KIAA1958: variants seen among roughly 807,000 people sequenced by gnomAD.
The protein encoded by KIAA1958 is KIAA1958, also known as uncharacterized protein KIAA1958.
KIAA1958 carries 14 observed loss-of-function variants against 47.2 expected under a neutral mutation model. That is an observed-to-expected ratio of 0.30 (90% CI 0.20 to 0.46). KIAA1958 has a LOEUF of 0.46. KIAA1958 is among the 20% of genes least tolerant of loss of function. The pLI is 1.00. For synonymous variants in KIAA1958, 354 were observed against 353.3 expected, an observed-to-expected ratio of 1.00 and a Z score of -0.02; for missense variants, 803 against 909.2, an observed-to-expected ratio of 0.88 and a Z score of 1.50.
intron 1 of KIAA1958, among the ~76,000 whole-genome samples, chr9:112,510,228 A>C (rs886744636): frequency 6.6e-6 from 1 of 152,174 alleles, no homozygotes; most frequent in Non-Finnish European, 1.5e-5. Context: ...GTGTGCAAAA[A>C]GGCCTGGATG....
chr9:112,637,882 C>T (rs958823218), intron 2 of KIAA1958, among the ~76,000 whole-genome samples: 3 of 152,034 alleles, frequency 2.0e-5, no homozygotes, highest in Non-Finnish European at 4.4e-5. Flanking sequence ...GGCGCGGTGG[C>T]TCACACCTGT....
chr9:112,624,005 T>C (rs965072994), intron 2 of KIAA1958, among the ~76,000 whole-genome samples: 1 of 152,188 alleles, frequency 6.6e-6, no homozygotes, highest in Non-Finnish European at 1.5e-5. Flanking sequence ...TTGATCCTTA[T>C]TTCTCTAGCC....
chr9:112,495,683 A>T (rs1834041407), intron 1 of KIAA1958, among the ~76,000 whole-genome samples: 1 of 152,202 alleles, frequency 6.6e-6, no homozygotes. Flanking sequence ...CTACTGTAAG[A>T]TCCATACTCA....
intron 2 of KIAA1958, among the ~76,000 whole-genome samples, chr9:112,644,698 C>A (rs1335245633): frequency 1.3e-5 from 2 of 152,118 alleles, no homozygotes; most frequent in East Asian, 3.8e-4. Context: ...GAGATGTGAG[C>A]CCCTCTGAAA....
intron 1 of KIAA1958, among the ~76,000 whole-genome samples, chr9:112,562,166 A>G (rs1482159194): frequency 2.0e-5 from 3 of 152,226 alleles, no homozygotes; most frequent in Non-Finnish European, 4.4e-5. Context: ...CTGTAGTTAC[A>G]TGGTAGACCA....
intron 1 of KIAA1958, among the ~76,000 whole-genome samples, chr9:112,514,849 A>G (rs1374486426): frequency 3.4e-5 from 1 of 29,620 alleles, no homozygotes; most frequent in Non-Finnish European, 7.3e-5. Context: ...TCCGGGAGGG[A>G]GGTGGGGGGG....
chr9:112,642,919 T>C (rs1471982103), intron 2 of KIAA1958, among the ~76,000 whole-genome samples: 1 of 152,232 alleles, frequency 6.6e-6, no homozygotes, highest in East Asian at 1.9e-4. Context: ...AAGTATTCTT[T>C]ATTTGTTTCA....
At chr9:112,529,851 T>A (rs1260213537) in intron 1 of KIAA1958, among the ~76,000 whole-genome samples, 1 of 152,060 alleles carries the variant, frequency 6.6e-6, no homozygotes, top group Non-Finnish European at 1.5e-5. Context: ...ACTTTTTTTT[T>A]TTCTTTTTTT....
intron 1 of KIAA1958, among the ~76,000 whole-genome samples, chr9:112,487,770 A>T (rs1013660479): frequency 9.2e-5 from 14 of 152,130 alleles, no homozygotes; most frequent in Non-Finnish European, 2.1e-4. Flanking sequence ...TATCAAATAT[A>T]TCGAGAAATG....
intron 1 of KIAA1958, among the ~76,000 whole-genome samples, chr9:112,496,098 T>C (rs547686586): frequency 3.3e-5 from 5 of 152,238 alleles, no homozygotes; most frequent in African/African-American, 1.2e-4. Flanking sequence ...CCAGAAAACA[T>C]AGAATTGTGA....
intron 2 of KIAA1958, among the ~76,000 whole-genome samples, chr9:112,629,689 C>T (rs1200654813): frequency 1.3e-5 from 2 of 152,118 alleles, no homozygotes; most frequent in East Asian, 3.8e-4. Context: ...AAATAAAAAT[C>T]TAGTTTTATG....
intron 2 of KIAA1958, among the ~76,000 whole-genome samples, chr9:112,636,984 T>C (rs1417897970): frequency 6.6e-6 from 1 of 152,208 alleles, no homozygotes; most frequent in East Asian, 1.9e-4. Flanking sequence ...AACTTATAAG[T>C]TATACATTAT....
At chr9:112,502,478 T>G (rs1332484305) in intron 1 of KIAA1958, among the ~76,000 whole-genome samples, 1 of 141,294 alleles carries the variant, frequency 7.1e-6, no homozygotes, top group African/African-American at 2.6e-5. Flanking sequence ...TAATGTGTTC[T>G]CCAAAGTAAT....
rs1564204902 is a variant in KIAA1958 at position 112,659,379 on chromosome 9, C to T, written c.1461C>T (p.Arg487=). ...SLHAIRRGLD[R]ILKNAGVGFS... ...ATGCTATTCGCCGAGGCCTGGACCG[C>T]ATCCTGAAGAATGCAGGTGTCGGCT... Residue 487 remains arginine, a synonymous_variant, in exon 4 of 4, where the codon CGC becomes CGT. Coordinates refer to ENST00000337530, the MANE Select transcript of KIAA1958 (RefSeq NM_133465.4). 2 of 1,614,106 alleles carry T rather than the reference C, an allele frequency of 1.2e-6. No individual in the cohort carries two copies. Among genetic ancestry groups the T allele is most frequent in the Non-Finnish European group, 1.7e-6 (2 of 1,180,046 alleles).
At chr9:112,612,160 T>TG (rs1836338174) in intron 2 of KIAA1958, among the ~76,000 whole-genome samples, 1 of 152,114 alleles carries the variant, frequency 6.6e-6, no homozygotes, top group South Asian at 2.1e-4. Context: ...GTAATCCCAA[T>TG]GCTTTGGGAA....
rs1397984233 is a variant in KIAA1958 at position 112,666,892 on chromosome 9, C to G, written c.*6823C>G. On this transcript the variant is annotated 3_prime_UTR_variant, in exon 4 of 4. Transcript: ENST00000337530. ...CTTCTTTCTCCCCAACCCACTTCCT[C>G]TTCATTCAATCCCACATAAATCTTA... is the stretch of plus-strand genomic sequence containing the variant. The G allele has an allele frequency of 2.0e-5, 3 of 152,246 alleles. No individual in the cohort carries two copies. The highest frequency in any genetic ancestry group is 7.2e-5 in the African/African-American group (3 of 41,464). The allele number at this position is 152,246 out of a possible 1,614,324, so 9.4% of individuals were successfully genotyped here.
At chr9:112,636,252 A>G (rs767981356) in intron 2 of KIAA1958, among the ~76,000 whole-genome samples, 5 of 151,654 alleles carry the variant, frequency 3.3e-5, no homozygotes, top group Non-Finnish European at 7.4e-5. Flanking sequence ...ATTAGAGATC[A>G]TATTCTGAAT....
intron 2 of KIAA1958, among the ~76,000 whole-genome samples, chr9:112,602,906 G>C (rs949848245): frequency 3.9e-4 from 60 of 152,308 alleles, no homozygotes; most frequent in Non-Finnish European, 6.2e-4. Flanking sequence ...GTCTGAAGTG[G>C]ATAAGTGAAG....
intron 2 of KIAA1958, among the ~76,000 whole-genome samples, chr9:112,613,507 G>A (rs998186927): frequency 6.6e-6 from 1 of 151,966 alleles, no homozygotes; most frequent in Non-Finnish European, 1.5e-5. Context: ...TATAAAATTA[G>A]GAATTCTTGT....
Sources: allele counts gnomAD v4.1 joint callset (sites outside exome capture counted in the v4.1 genomes callset), GRCh38; gene constraint gnomAD v4.1.1; transcripts MANE v1.5; gene names NCBI Gene and HGNC (gene_info 2026-07-23, HGNC 2026-07-21).